Variants in FHOD3 observed in about 807,000 individuals in gnomAD.
FHOD3 encodes the protein formin homology 2 domain containing 3.
In FHOD3, 90 loss-of-function variants were observed where a neutral mutation model predicts 173.0. The ratio of observed to expected loss-of-function variants is 0.52; its 90% CI spans 0.44 to 0.62. FHOD3 has a LOEUF of 0.62. FHOD3 is among the 20% of genes least tolerant of loss of function. The pLI is 0.00. For synonymous variants in FHOD3, 828 were observed against 823.0 expected, an observed-to-expected ratio of 1.01 and a Z score of -0.10; for missense variants, 1,945 against 2,034.7, an observed-to-expected ratio of 0.96 and a Z score of 0.85.
At chr18:36,589,102 A>G (rs2059129985) in intron 6 of FHOD3, among the ~76,000 whole-genome samples, 1 of 152,196 alleles carries the variant, frequency 6.6e-6, no homozygotes, top group African/African-American at 2.4e-5. Context: ...CTGCAATAGA[A>G]AGTAAAGCTC....
At chr18:36,709,577 C>T (rs934192678) in intron 18 of FHOD3, 186 bp downstream of exon 18, 24 of 627,996 alleles carry the variant, frequency 3.8e-5, no homozygotes, top group Non-Finnish European at 6.0e-5. Context: ...CAGCAGCCTT[C>T]TGCCCTGTAG....
intron 3 of FHOD3, among the ~76,000 whole-genome samples, chr18:36,448,809 G>A (rs1244070386): frequency 3.3e-5 from 5 of 152,086 alleles, no homozygotes; most frequent in African/African-American, 9.7e-5. Context: ...CTGGTCTTGC[G>A]GTTGAGAAAT....
intron 27 of FHOD3, among the ~76,000 whole-genome samples, chr18:36,766,262 A>T (rs2043134073): frequency 6.6e-6 from 1 of 152,232 alleles, no homozygotes; most frequent in Admixed American, 6.5e-5. Context: ...TTTTTACATT[A>T]AAACAGTAGA....
At chr18:36,586,336 G>A (rs1009545954) in intron 6 of FHOD3, among the ~76,000 whole-genome samples, 2 of 152,132 alleles carry the variant, frequency 1.3e-5, no homozygotes, top group African/African-American at 2.4e-5. Context: ...TTTGAAAATG[G>A]GAATGCTGCC....
chr18:36,504,604 AG>A (rs1468572376), intron 4 of FHOD3, among the ~76,000 whole-genome samples: 1 of 69,152 alleles, frequency 1.4e-5, no homozygotes, highest in African/African-American at 5.6e-5. Flanking sequence ...GGGTGGGGGC[AG>A]GGGGGAGGGG....
chr18:36,743,719 GACA>G (rs1431652038), intron 22 of FHOD3, among the ~76,000 whole-genome samples: 1 of 152,160 alleles, frequency 6.6e-6, no homozygotes, highest in East Asian at 1.9e-4. Flanking sequence ...CCAGGAAGTA[GACA>G]ACAACAGGCA....
In FHOD3 at chr18:36,594,816, G is replaced by A; in HGVS notation, c.636G>A (p.Lys212=). ...KFRLVVKTAL[K]LLLVFVEYSE... Reference sequence around the variant, plus strand: ...GCCTGGTGGTGAAGACAGCCCTGAAGCTGCTGCTCGTCTTTGTAGAGTACT... The same window carrying A: ...GCCTGGTGGTGAAGACAGCCCTGAAACTGCTGCTCGTCTTTGTAGAGTACT... Residue 212 remains lysine, a synonymous_variant, in exon 7 of 29, where the codon AAG becomes AAA. Transcript: ENST00000590592. The A allele has an allele frequency of 6.2e-7, 1 of 1,613,898 alleles. No homozygotes were observed. The highest frequency in any genetic ancestry group is 1.1e-5 in the South Asian group (1 of 91,040).
At chr18:36,330,083 G>A (rs8098672) in intron 1 of FHOD3, among the ~76,000 whole-genome samples, 26,292 of 152,032 alleles carry the variant, frequency 0.17, 6,321 homozygotes, top group African/African-American at 0.54. Context: ...CATACCCCCT[G>A]TACACCCAGG....
intron 5 of FHOD3, among the ~76,000 whole-genome samples, chr18:36,550,058 A>G (rs1360371874): frequency 6.6e-6 from 1 of 151,842 alleles, no homozygotes; most frequent in African/African-American, 2.4e-5. Flanking sequence ...TATTGAAAAA[A>G]TGATCTTTTC....
At chr18:36,325,862 T>C (rs2145083680) in intron 1 of FHOD3, among the ~76,000 whole-genome samples, 1 of 152,346 alleles carries the variant, frequency 6.6e-6, no homozygotes, top group Admixed American at 6.5e-5. Flanking sequence ...TTGTAGAACC[T>C]AGACCCAGTG....
Position 36,718,204 on chromosome 18 carries a change from C to A in FHOD3, c.2906C>A (p.Pro969Gln). The A allele has an allele frequency of 6.2e-7, 1 of 1,613,974 alleles. No homozygotes were observed. The highest frequency in any genetic ancestry group is 8.5e-7 in the Non-Finnish European group (1 of 1,179,934). The stretch of plus-strand genomic sequence containing the variant: ...AATGACAAGGTCCCAGAAACAGCGC[C>A]GGTGCAGCCGAAGACAGAGTCTGAT... ...EPNDKVPETA[P>Q]VQPKTESDYI... Residue 969 changes from proline to glutamine, a missense_variant, in exon 19 of 29, where the codon CCG becomes CAG. By Grantham distance (76) the Pro-to-Gln change is moderately conservative. Coordinates refer to ENST00000590592, the MANE Select transcript of FHOD3 (RefSeq NM_001281740.3).
intron 6 of FHOD3, 132 bp downstream of exon 6, chr18:36,576,677 A>T: frequency 1.8e-6 from 1 of 567,082 alleles, no homozygotes; most frequent in Non-Finnish European, 3.0e-6. Context: ...AATGAGGATT[A>T]CTACTCTACA....
intron 3 of FHOD3, among the ~76,000 whole-genome samples, chr18:36,394,973 C>A (rs1292392690): frequency 1.3e-5 from 2 of 152,274 alleles, no homozygotes; most frequent in African/African-American, 4.8e-5. Flanking sequence ...TTTACATAGT[C>A]TCTTCTATAT....
At chr18:36,345,375 T>C (rs531667520) in intron 1 of FHOD3, among the ~76,000 whole-genome samples, 8 of 152,316 alleles carry the variant, frequency 5.3e-5, no homozygotes, top group Admixed American at 1.3e-4. Context: ...ATAATGAAAA[T>C]ACATCACATC....
chr18:36,320,483 C>T (rs2044340060), intron 1 of FHOD3, among the ~76,000 whole-genome samples: 1 of 152,190 alleles, frequency 6.6e-6, no homozygotes, highest in African/African-American at 2.4e-5. Flanking sequence ...GAAATTGAGG[C>T]AATAATTAAT....
intron 3 of FHOD3, among the ~76,000 whole-genome samples, chr18:36,384,725 T>C (rs866129778): frequency 5.9e-5 from 9 of 152,222 alleles, no homozygotes; most frequent in Non-Finnish European, 1.2e-4. Flanking sequence ...GTTCAAATCC[T>C]AGACCTGCCT....
chr18:36,700,522 T>C (rs942149164), intron 17 of FHOD3, among the ~76,000 whole-genome samples: 4 of 152,212 alleles, frequency 2.6e-5, no homozygotes, highest in African/African-American at 9.6e-5. Context: ...CAAGTGTCTT[T>C]TGTGTTGTTT....
chr18:36,420,453 C>T (rs1372703479), intron 3 of FHOD3, among the ~76,000 whole-genome samples: 1 of 152,168 alleles, frequency 6.6e-6, no homozygotes, highest in Non-Finnish European at 1.5e-5. Flanking sequence ...TTCTAAGTGC[C>T]AGCCTGCCCA....
At chr18:36,763,554 AAT>A (rs1184442692) in intron 27 of FHOD3, among the ~76,000 whole-genome samples, 3 of 140,118 alleles carry the variant, frequency 2.1e-5, no homozygotes, top group East Asian at 2.0e-4. Flanking sequence ...CGTTATATAT[AAT>A]ATGTGTATTA....
Sources: gnomAD v4.1 joint callset for allele counts (sites outside exome capture counted in the v4.1 genomes callset) on GRCh38, gnomAD v4.1.1 for gene constraint, MANE v1.5 for transcripts, NCBI Gene and HGNC (gene_info 2026-07-23, HGNC 2026-07-21) for gene names.